Variants in FGF12 observed in about 807,000 individuals in gnomAD.
The protein encoded by FGF12 is fibroblast growth factor 12.
A neutral mutation model predicts 23.6 loss-of-function variants in FGF12; 14 were observed. The observed-to-expected ratio is 0.59, with a 90% CI of 0.39 to 0.93. FGF12 has a LOEUF of 0.93. FGF12 is among the 40% of genes least tolerant of loss of function. The probability of loss-of-function intolerance (pLI) is 0.00; values close to 1 mark genes in which losing one functional copy is unlikely to be tolerated. For missense variants in FGF12, 175 were observed against 217.8 expected (o/e 0.80, Z 1.24); for synonymous variants, 62 against 77.3 (o/e 0.80, Z 1.04).
At chr3:192,670,967 A>G (rs774221807) in intron 2 of FGF12, among the ~76,000 whole-genome samples, 6 of 152,170 alleles carry the variant, frequency 3.9e-5, no homozygotes, top group Non-Finnish European at 7.4e-5. Flanking sequence ...CAAATCCATG[A>G]CATCTGGCTC....
intron 4 of FGF12, among the ~76,000 whole-genome samples, chr3:192,313,385 T>G (rs945525438): frequency 6.6e-6 from 1 of 152,228 alleles, no homozygotes; most frequent in African/African-American, 2.4e-5. Context: ...ATGTCCTTTT[T>G]CATGGTAGAG....
chr3:192,183,956 C>T (rs892607311), intron 4 of FGF12, among the ~76,000 whole-genome samples: 2 of 152,136 alleles, frequency 1.3e-5, no homozygotes, highest in Non-Finnish European at 1.5e-5. Context: ...GGCATGGTGG[C>T]TCACACCTGT....
At chr3:192,484,660 C>T (rs900386531) in intron 2 of FGF12, among the ~76,000 whole-genome samples, 2 of 152,142 alleles carry the variant, frequency 1.3e-5, no homozygotes, top group Admixed American at 6.6e-5. Flanking sequence ...AAAGAGAGGA[C>T]AGTTGCCATA....
At chr3:192,185,640 T>G (rs1716418007) in intron 4 of FGF12, among the ~76,000 whole-genome samples, 1 of 151,868 alleles carries the variant, frequency 6.6e-6, no homozygotes, top group Non-Finnish European at 1.5e-5. Flanking sequence ...GGCTGGTGGA[T>G]CACGGAGTCA....
intron 3 of FGF12, among the ~76,000 whole-genome samples, chr3:192,348,808 G>A (rs1279684258): frequency 6.6e-6 from 1 of 152,072 alleles, no homozygotes; most frequent in Non-Finnish European, 1.5e-5. Flanking sequence ...TAACCTTCCT[G>A]TGCCTCAATT....
At chr3:192,355,795 C>A (rs1400426937) in intron 3 of FGF12, among the ~76,000 whole-genome samples, 1 of 152,178 alleles carries the variant, frequency 6.6e-6, no homozygotes, top group East Asian at 1.9e-4. Context: ...GGTAAAGAAG[C>A]AGCAGCCACC....
intron 5 of FGF12, among the ~76,000 whole-genome samples, chr3:192,166,073 T>C (rs183740793): frequency 6.6e-6 from 1 of 152,298 alleles, no homozygotes; most frequent in East Asian, 1.9e-4. Flanking sequence ...AAAAATAATT[T>C]GAGTATCCCA....
intron 5 of FGF12, among the ~76,000 whole-genome samples, chr3:192,158,946 C>T (rs1714710881): frequency 6.6e-6 from 1 of 151,964 alleles, no homozygotes; most frequent in Non-Finnish European, 1.5e-5. Flanking sequence ...AGCCCTTCTA[C>T]TCAGTGTTCT....
chr3:192,512,859 T>TATATATATATATATATATATATA (rs376386122), intron 2 of FGF12, among the ~76,000 whole-genome samples: 7 of 57,426 alleles, frequency 1.2e-4, no homozygotes, highest in Non-Finnish European at 1.8e-4. Flanking sequence ...TATATATATA[T>TATATATATATATATATATATATA]AACAGGCTAT....
chr3:192,285,660 A>G lies in FGF12; in HGVS notation c.228+49701T>C, dbSNP rs991634810. On this transcript the variant is annotated intron_variant, in intron 4 of 5. Transcript: ENST00000445105. ...GTAATAAAACTGAAATGTCCAAAAA[A>G]CTAATTATACTTTCATTTTTGGTGT... Among the ~76,000 whole-genome samples the G allele has an allele frequency of 7.2e-5, 11 of 152,040 alleles. No individual in the cohort carries two copies. In the East Asian group the frequency reaches 1.9e-3, roughly 27 times the overall value.
chr3:192,601,511 A>T (rs535914646), intron 2 of FGF12, among the ~76,000 whole-genome samples: 1 of 152,268 alleles, frequency 6.6e-6, no homozygotes, highest in South Asian at 2.1e-4. Flanking sequence ...CTGATCATAT[A>T]CATTACATGT....
chr3:192,468,039 C>T lies in FGF12; in HGVS notation c.14-107501G>A, dbSNP rs930541093. 7.2e-5 allele frequency among the ~76,000 whole-genome samples: 11 copies of T among 152,208 alleles called. No homozygotes were observed. In the East Asian group the frequency reaches 1.7e-3, roughly 24 times the overall value. ...ACCAAGGACACCAATTTCCATGGTA[C>T]ACTCCCGACAGTGGGGAAGTCCTGA... On this transcript the variant is annotated intron_variant, in intron 2 of 5. Transcript: ENST00000445105.
At chr3:192,614,006 C>A (rs1346402788) in intron 2 of FGF12, among the ~76,000 whole-genome samples, 1 of 151,728 alleles carries the variant, frequency 6.6e-6, no homozygotes, top group Non-Finnish European at 1.5e-5. Flanking sequence ...GCATGCTCTC[C>A]CCTGGCATCC....
At chr3:192,593,987 T>C (rs1231627586) in intron 2 of FGF12, among the ~76,000 whole-genome samples, 1 of 151,984 alleles carries the variant, frequency 6.6e-6, no homozygotes, top group Non-Finnish European at 1.5e-5. Flanking sequence ...TTGAATTGCT[T>C]AAATATTAAG....
At chr3:192,318,970 C>G (rs1165359168) in intron 4 of FGF12, among the ~76,000 whole-genome samples, 1 of 140,382 alleles carries the variant, frequency 7.1e-6, no homozygotes, top group African/African-American at 2.5e-5. Flanking sequence ...GGGGGAAAAA[C>G]AAAACAAAAC....
intron 4 of FGF12, among the ~76,000 whole-genome samples, chr3:192,319,649 G>A (rs186410319): frequency 6.6e-6 from 1 of 152,034 alleles, no homozygotes; most frequent in Non-Finnish European, 1.5e-5. Context: ...TCAAGACATG[G>A]ATAGTATAAT....
intron 2 of FGF12, among the ~76,000 whole-genome samples, chr3:192,371,062 C>G (rs1719205074): frequency 6.6e-6 from 1 of 152,120 alleles, no homozygotes; most frequent in Non-Finnish European, 1.5e-5. Flanking sequence ...ACTCCCTGGT[C>G]TTTCTCAAAT....
chr3:192,707,803 C>A (rs1355152793), intron 2 of FGF12, among the ~76,000 whole-genome samples: 4 of 139,526 alleles, frequency 2.9e-5, no homozygotes, highest in African/African-American at 1.1e-4. Context: ...CTTTTTCTTT[C>A]TCATTTTTAG....
At chr3:192,601,497 T>G (rs553311291) in intron 2 of FGF12, among the ~76,000 whole-genome samples, 13 of 152,260 alleles carry the variant, frequency 8.5e-5, no homozygotes, top group Admixed American at 2.6e-4. Flanking sequence ...TTAATTACCC[T>G]TCTCTGATCA....
Sources: gnomAD v4.1 joint callset for allele counts (sites outside exome capture counted in the v4.1 genomes callset) on GRCh38, gnomAD v4.1.1 for gene constraint, MANE v1.5 for transcripts, NCBI Gene and HGNC (gene_info 2026-07-23, HGNC 2026-07-21) for gene names.